Variants in TMEM218 observed in about 807,000 individuals in gnomAD.
TMEM218 encodes transmembrane protein 218.
A neutral mutation model predicts 10.0 loss-of-function variants in TMEM218; 8 were observed. The observed-to-expected ratio is 0.80, with a 90% CI of 0.47 to 1.44. TMEM218 has a LOEUF of 1.44. Ranked by LOEUF, TMEM218 falls within the 40% of genes most tolerant of loss-of-function variation. TMEM218 has a pLI of 0.00. For synonymous variants in TMEM218, 66 were observed against 63.5 expected (o/e 1.04, Z -0.18); for missense variants, 110 against 140.1 (o/e 0.79, Z 1.08).
chr11:125,106,919 A>G (rs1217607640), intron 1 of TMEM218, among the ~76,000 whole-genome samples: 1 of 152,228 alleles, frequency 6.6e-6, no homozygotes, highest in Non-Finnish European at 1.5e-5. Flanking sequence ...AACAATCCAA[A>G]TATCTGCCAA....
chr11:125,103,620 T>A (rs542917568), intron 1 of TMEM218: 5 of 152,240 alleles, frequency 3.3e-5, no homozygotes, highest in Non-Finnish European at 7.3e-5. Flanking sequence ...TATCTTGAGA[T>A]GCTTAACTTA....
rs568424909 is a variant in TMEM218, at chr11:125,096,281, G to T, written c.*1325C>A. Reference sequence around the variant, plus strand: ...AGCTTAGTTGCCTGTGGGGTGGCAGGACTGGGTAACTTCTCTACCCTGAAA... The same window carrying T: ...AGCTTAGTTGCCTGTGGGGTGGCAGTACTGGGTAACTTCTCTACCCTGAAA... On this transcript the variant is annotated 3_prime_UTR_variant, in exon 5 of 5. Transcript: ENST00000682305. Among the ~76,000 whole-genome samples, 5 of 152,308 alleles carry T rather than the reference G, an allele frequency of 3.3e-5. No individual in the cohort carries two copies. The East Asian group carries it at 7.7e-4, about 24-fold the overall frequency.
At position 125,095,130 on chromosome 11, in the gene TMEM218, C is replaced by G. The variant is rs910140996; in HGVS notation, c.*2476G>C. Among the ~76,000 whole-genome samples the G allele has an allele frequency of 1.3e-5, 2 of 152,318 alleles. No homozygotes were observed. The highest frequency in any genetic ancestry group is 3.4e-3 in the Middle Eastern group (1 of 294). On this transcript the variant is annotated 3_prime_UTR_variant, in exon 5 of 5. Transcript: ENST00000682305. ...GGGATAGGGTGGTATCCTCCTAATT[C>G]AGCTTTTGTCAGGATACAATTTTAA...
chr11:125,099,566 C>G (rs1282926405), intron 4 of TMEM218, among the ~76,000 whole-genome samples: 3 of 152,214 alleles, frequency 2.0e-5, no homozygotes, highest in African/African-American at 7.2e-5. Flanking sequence ...CTGTGCCCTT[C>G]TCCCGATGTT....
intron 4 of TMEM218, among the ~76,000 whole-genome samples, chr11:125,099,266 C>A (rs1022797842): frequency 6.6e-5 from 10 of 152,192 alleles, no homozygotes; most frequent in Non-Finnish European, 1.0e-4. Context: ...TTGACCTTGG[C>A]TCCGGTACTG....
intron 3 of TMEM218, 171 bp from the exon 4 acceptor site, chr11:125,101,474 AGGTACCAGCTG>A (rs1950774362): frequency 1.3e-6 from 2 of 1,531,788 alleles, no homozygotes; most frequent in Non-Finnish European, 1.7e-6. Context: ...CTTCCTAGAC[AGGTACCAGCTG>A]GGTGCATTCC....
rs899864798 is a variant in TMEM218 at position 125,095,654 on chromosome 11, A to G, written c.*1952T>C. Among the ~76,000 whole-genome samples the G allele has an allele frequency of 9.9e-5, 15 of 151,898 alleles. No individual in the cohort carries two copies. Among genetic ancestry groups the G allele is most frequent in the African/African-American group, 3.1e-4 (13 of 41,338 alleles). ...TATTTTTTTTTTTTTCCTAAAGCCA[A>G]TCTTTAACATATATGCCTTTCATTT... On this transcript the variant is annotated 3_prime_UTR_variant, in exon 5 of 5. Transcript: ENST00000682305.
At chr11:125,097,800 C>T in intron 4 of TMEM218, 60 bp from the exon 5 acceptor site, 2 of 1,547,888 alleles carry the variant, frequency 1.3e-6, no homozygotes, top group Non-Finnish European at 1.8e-6. Flanking sequence ...GCTGGGTTAA[C>T]CTGAACTCCA....
Position 125,101,273 on chromosome 11 carries a change from A to T in TMEM218, c.141T>A (p.Ala47=). Residue 47 remains alanine (A), a synonymous_variant, in exon 4 of 5, where the codon GCT becomes GCA. Transcript: ENST00000682305. ...RFSVIFLFFG[A]VIITSVLLLF... is the part of the protein sequence containing the mutation. ...GCAACAGAACTGATGTGATGATCAC[A>T]GCACCGAAGAATAAAAAAATGACAG... 1 of 1,613,380 alleles carries T rather than the reference A, an allele frequency of 6.2e-7. No individual in the cohort carries two copies. Among genetic ancestry groups the T allele is most frequent in the Non-Finnish European group, 8.5e-7 (1 of 1,179,466 alleles).
chr11:125,100,011 A>G (rs1950431783), intron 4 of TMEM218, among the ~76,000 whole-genome samples: 1 of 152,176 alleles, frequency 6.6e-6, no homozygotes, highest in Non-Finnish European at 1.5e-5. Flanking sequence ...TGTTTTCCAA[A>G]TACTGACAAC....
intron 1 of TMEM218, among the ~76,000 whole-genome samples, chr11:125,105,936 G>T (rs1952031109): frequency 6.6e-6 from 1 of 152,086 alleles, no homozygotes; most frequent in Non-Finnish European, 1.5e-5. Context: ...ACTACTAAAA[G>T]AAATTCTCTT....
At chr11:125,110,710 T>C (rs1025437296) in intron 1 of TMEM218, 7 of 152,164 alleles carry the variant, frequency 4.6e-5, no homozygotes, top group African/African-American at 1.7e-4. Flanking sequence ...GAGGGAGATA[T>C]CTCACCCATC....
chr11:125,097,574 A>T lies in TMEM218; in HGVS notation c.*32T>A. 1 of 1,609,598 alleles carries T rather than the reference A, an allele frequency of 6.2e-7. No individual in the cohort carries two copies. The highest frequency in any genetic ancestry group is 8.5e-7 in the Non-Finnish European group (1 of 1,177,302). On this transcript the variant is annotated 3_prime_UTR_variant, in exon 5 of 5. Coordinates refer to ENST00000682305, the MANE Select transcript of TMEM218 (RefSeq NM_001258244.2). ...CTCATCAATGTCATCACAATGAAGGAGAGAACAGGTTTTCGTTTTCCTGAA... is the reference window on the plus strand; with the variant it reads ...CTCATCAATGTCATCACAATGAAGGTGAGAACAGGTTTTCGTTTTCCTGAA...
At chr11:125,102,091 A>C in intron 3 of TMEM218, 41 bp downstream of exon 3, 1 of 1,491,748 alleles carries the variant, frequency 6.7e-7, no homozygotes, top group Non-Finnish European at 8.9e-7. Context: ...TTTGCCTCTA[A>C]TTGCTTTACC....
In TMEM218 at chr11:125,102,772, T is replaced by C; in HGVS notation, c.-115A>G. ...ACAAGACAGAAAGTTCCCACTCTGT[T>C]GTCGAGTTCTTATTCAAGAGGATGA... On this transcript the variant is annotated 5_prime_UTR_variant, in exon 2 of 5. Coordinates refer to ENST00000682305, the MANE Select transcript of TMEM218 (RefSeq NM_001258244.2). The C allele has an allele frequency of 8.2e-7, 1 of 1,223,384 alleles. No homozygotes were observed. The highest frequency in any genetic ancestry group is 1.1e-6 in the Non-Finnish European group (1 of 937,446). The allele number at this position is 1,223,384 out of a possible 1,614,324, so 75.8% of individuals were successfully genotyped here.
intron 1 of TMEM218, among the ~76,000 whole-genome samples, chr11:125,111,133 T>C (rs189344127): frequency 6.6e-6 from 1 of 152,216 alleles, no homozygotes; most frequent in East Asian, 1.9e-4. Context: ...GTCTATCCGC[T>C]CTCTGGATCT....
chr11:125,109,010 C>A (rs7121284), intron 1 of TMEM218, among the ~76,000 whole-genome samples: 35,226 of 152,118 alleles, frequency 0.23, 4,400 homozygotes, highest in African/African-American at 0.31. Flanking sequence ...CTGTTCTAGA[C>A]ACAGTCTTGC....
In TMEM218 at chr11:125,097,560, C is replaced by G. The variant is rs766796663; in HGVS notation, c.*46G>C. ...ATAGTGCCTTCCTGCTCATCAATGT[C>G]ATCACAATGAAGGAGAGAACAGGTT... is the stretch of plus-strand genomic sequence containing the variant. On this transcript the variant is annotated 3_prime_UTR_variant, in exon 5 of 5. Transcript: ENST00000682305. The G allele has an allele frequency of 6.2e-7, 1 of 1,601,332 alleles. No homozygotes were observed. The highest frequency in any genetic ancestry group is 8.5e-7 in the Non-Finnish European group (1 of 1,171,634).
chr11:125,104,005 GAT>G (rs1293334395), intron 1 of TMEM218: 13 of 152,314 alleles, frequency 8.5e-5, no homozygotes, highest in African/African-American at 3.1e-4. Flanking sequence ...AGGTGAATAA[GAT>G]ATCTTCTGAC....
Sources: allele counts gnomAD v4.1 joint callset (sites outside exome capture counted in the v4.1 genomes callset), GRCh38; gene constraint gnomAD v4.1.1; transcripts MANE v1.5; gene names NCBI Gene and HGNC (gene_info 2026-07-23, HGNC 2026-07-21).